The following LRTM3 variants were observed in gnomAD, a reference collection of about 807,000 sequenced individuals.
LRTM3 encodes the protein leucine rich repeat transmembrane protein 3, also known as leucine-rich repeat transmembrane protein 3.
At chr13:102,741,086 T>C in the LRTM3 span, 23 of 1,550,096 alleles carry the variant, frequency 1.5e-5, no homozygotes, top group African/African-American at 1.8e-4. Flanking sequence ...ATTTTCAATA[T>C]AAAGTTGATG....
At chr13:102,754,220 A>C in the LRTM3 span, among the ~76,000 whole-genome samples, 1 of 151,762 alleles carries the variant, frequency 6.6e-6, no homozygotes, top group African/African-American at 2.4e-5. Context: ...AAAAAAAAAA[A>C]AAAAAAACCC....
the LRTM3 span, chr13:102,731,336 T>C: frequency 6.4e-7 from 1 of 1,551,310 alleles, no homozygotes; most frequent in African/African-American, 1.4e-5. Context: ...CCAACTGTTA[T>C]CTTTTGAAAT....
the LRTM3 span, chr13:102,734,921 T>C: frequency 9.7e-5 from 150 of 1,551,056 alleles, no homozygotes; most frequent in Admixed American, 1.2e-3. Flanking sequence ...TTTTTGTAGA[T>C]AGATTAAAAT....
the LRTM3 span, chr13:102,740,636 T>C: frequency 1.9e-6 from 3 of 1,548,688 alleles, no homozygotes; most frequent in Non-Finnish European, 2.6e-6. Context: ...ATAGTCATAA[T>C]GTGGAATATC....
chr13:102,732,740 T>G, the LRTM3 span: 1 of 1,551,354 alleles, frequency 6.4e-7, no homozygotes, highest in Non-Finnish European at 8.7e-7. Flanking sequence ...CCTGGCCTTG[T>G]GCATCTCTGT....
At chr13:102,736,222 T>C in the LRTM3 span, 3 of 1,549,008 alleles carry the variant, frequency 1.9e-6, no homozygotes, top group Non-Finnish European at 2.6e-6. Flanking sequence ...GATGAGTTTT[T>C]GTCAGAATCA....
chr13:102,740,897 G>A, the LRTM3 span: 1 of 1,549,942 alleles, frequency 6.5e-7, no homozygotes, highest in South Asian at 1.2e-5. Flanking sequence ...AACAGATGCT[G>A]GAAAAGCCTC....
the LRTM3 span, chr13:102,739,065 T>C: frequency 6.4e-7 from 1 of 1,550,566 alleles, no homozygotes; most frequent in South Asian, 1.2e-5. Flanking sequence ...AATCTTGTTA[T>C]TCCTCTCATG....
At chr13:102,737,526 C>T in the LRTM3 span, 34 of 1,549,416 alleles carry the variant, frequency 2.2e-5, no homozygotes, top group African/African-American at 1.2e-4. Context: ...TCACCTTCTC[C>T]GTCCTCTTTC....
the LRTM3 span, chr13:102,731,479 T>C: frequency 6.4e-7 from 1 of 1,551,438 alleles, no homozygotes; most frequent in Non-Finnish European, 8.7e-7. Flanking sequence ...GAGTAAACTG[T>C]TCTAAAAGGG....
chr13:102,731,326 C>G, the LRTM3 span: 2 of 1,551,364 alleles, frequency 1.3e-6, no homozygotes, highest in Non-Finnish European at 1.7e-6. Flanking sequence ...AATAGAACCT[C>G]CAACTGTTAT....
At chr13:102,748,377 C>A in the LRTM3 span, 1 of 1,550,740 alleles carries the variant, frequency 6.4e-7, no homozygotes, top group Non-Finnish European at 8.7e-7. Flanking sequence ...ATTTTGCTTC[C>A]TGGGGAAATG....
chr13:102,748,019 T>C, the LRTM3 span: 7 of 1,551,038 alleles, frequency 4.5e-6, no homozygotes, highest in Middle Eastern at 1.7e-4. Flanking sequence ...ATCAATGTAT[T>C]CTGCGTTCTG....
the LRTM3 span, chr13:102,734,650 G>C: frequency 6.4e-7 from 1 of 1,550,856 alleles, no homozygotes; most frequent in East Asian, 2.4e-5. Context: ...TATCACCAAC[G>C]ACGGACTCTC....
the LRTM3 span, chr13:102,739,802 GA>G: frequency 6.5e-7 from 1 of 1,549,208 alleles, no homozygotes; most frequent in Non-Finnish European, 8.7e-7. Context: ...GTGAGGTAAA[GA>G]AAGAATAGAC....
chr13:102,745,418 A>T, the LRTM3 span: 11 of 1,550,750 alleles, frequency 7.1e-6, no homozygotes, highest in Admixed American at 1.8e-4. Flanking sequence ...TGTCATAGTC[A>T]GGAAAGCATA....
chr13:102,746,835 T>C, the LRTM3 span: 7 of 1,551,338 alleles, frequency 4.5e-6, no homozygotes, highest in East Asian at 1.7e-4. Flanking sequence ...ATCAGTGATT[T>C]TCCTGATATT....
chr13:102,737,242 C>A, the LRTM3 span: 2 of 1,551,052 alleles, frequency 1.3e-6, no homozygotes, highest in South Asian at 2.4e-5. Flanking sequence ...TTGAGCTATC[C>A]ACCCCAAAAG....
chr13:102,731,376 GT>G, the LRTM3 span: 227 of 1,551,388 alleles, frequency 1.5e-4, no homozygotes, highest in Non-Finnish European at 1.9e-4. Flanking sequence ...TTGAACATTT[GT>G]AAAGATTTCC....
Sources: allele counts gnomAD v4.1 joint callset (sites outside exome capture counted in the v4.1 genomes callset), GRCh38; gene constraint gnomAD v4.1.1; transcripts MANE v1.5; gene names NCBI Gene and HGNC (gene_info 2026-07-23, HGNC 2026-07-21).